Variants in WLS observed in about 807,000 individuals in gnomAD.
WLS encodes the protein Wnt ligand secretion mediator, also known as protein wntless homolog.
WLS carries 23 observed loss-of-function variants against 62.8 expected under a neutral mutation model. The ratio of observed to expected loss-of-function variants is 0.37; its 90% confidence interval spans 0.26 to 0.52. WLS has a LOEUF of 0.52. Ranked by LOEUF, WLS falls within the 20% of genes least tolerant of loss-of-function variation. The probability of loss-of-function intolerance (pLI) is 0.92; values close to 1 mark genes in which losing one functional copy is unlikely to be tolerated. For missense variants in WLS, 615 were observed against 697.3 expected, an observed-to-expected ratio of 0.88 and a Z score of 1.33; for synonymous variants, 246 against 244.1, an observed-to-expected ratio of 1.01 and a Z score of -0.07.
chr1:68,210,268 G>T (rs536873603), intron 1 of WLS, among the ~76,000 whole-genome samples: 6 of 152,206 alleles, frequency 3.9e-5, no homozygotes, highest in Non-Finnish European at 5.9e-5. Context: ...GGGACAGCAA[G>T]TATGGTCAGG....
intron 11 of WLS, among the ~76,000 whole-genome samples, chr1:68,099,254 C>A (rs1051707005): frequency 1.3e-5 from 2 of 151,894 alleles, no homozygotes; most frequent in African/African-American, 2.4e-5. Context: ...TTTTGGTGAA[C>A]TGCAAAGAGA....
At chr1:68,160,633 AC>A (rs1448727685) in intron 2 of WLS, among the ~76,000 whole-genome samples, 9 of 152,350 alleles carry the variant, frequency 5.9e-5, no homozygotes, top group African/African-American at 2.2e-4. Context: ...CTAAATGTCT[AC>A]GTTTACAATA....
At chr1:68,204,345 A>T (rs923412773) in intron 1 of WLS, among the ~76,000 whole-genome samples, 104 of 151,926 alleles carry the variant, frequency 6.8e-4, no homozygotes, top group African/African-American at 2.5e-3. Flanking sequence ...TTTTAGACGG[A>T]GTCTCGCTCT....
chr1:68,122,423 T>C (rs3736935), downstream of WLS, among the ~76,000 whole-genome samples: 43,551 of 152,094 alleles, frequency 0.29, 6,271 homozygotes, highest in East Asian at 0.4. Context: ...GAATCACTTA[T>C]TTCATTACTA....
chr1:68,199,709 C>T (rs2100620895), intron 1 of WLS, among the ~76,000 whole-genome samples: 1 of 152,130 alleles, frequency 6.6e-6, no homozygotes, highest in Middle Eastern at 3.4e-3. Flanking sequence ...CTATAGAGCA[C>T]CATAAAGAAG....
intron 1 of WLS, among the ~76,000 whole-genome samples, chr1:68,229,022 A>G (rs1650292407): frequency 6.7e-6 from 1 of 150,152 alleles, no homozygotes; most frequent in Non-Finnish European, 1.5e-5. Flanking sequence ...CATCAAATCT[A>G]GAAGGCTACA....
At chr1:68,172,137 G>A (rs1428250353) in intron 2 of WLS, among the ~76,000 whole-genome samples, 2 of 151,162 alleles carry the variant, frequency 1.3e-5, no homozygotes, top group Non-Finnish European at 2.9e-5. Flanking sequence ...CACAGGGAGG[G>A]GAACATCACA....
chr1:68,156,776 C>A (rs1330951433), intron 3 of WLS, among the ~76,000 whole-genome samples: 1 of 152,086 alleles, frequency 6.6e-6, no homozygotes, highest in African/African-American at 2.4e-5. Flanking sequence ...TCTCTCCCCT[C>A]CACTCCTTTC....
At chr1:68,174,774 C>T (rs1647208206) in intron 2 of WLS, among the ~76,000 whole-genome samples, 1 of 152,188 alleles carries the variant, frequency 6.6e-6, no homozygotes, top group Non-Finnish European at 1.5e-5. Context: ...CCCCGAATGC[C>T]ATCTCCTCCC....
At chr1:68,132,702 C>T (rs1646544787) in intron 11 of WLS, among the ~76,000 whole-genome samples, 1 of 152,114 alleles carries the variant, frequency 6.6e-6, no homozygotes, top group Non-Finnish European at 1.5e-5. Context: ...TTCCCTCTGC[C>T]ACAGTCATCT....
intron 10 of WLS, among the ~76,000 whole-genome samples, chr1:68,140,409 T>C (rs1646669187): frequency 6.6e-6 from 1 of 152,242 alleles, no homozygotes; most frequent in Admixed American, 6.5e-5. Context: ...TAATGTACAT[T>C]ACAAATACAA....
At chr1:68,205,722 C>T (rs1178018210) in intron 1 of WLS, among the ~76,000 whole-genome samples, 1 of 152,126 alleles carries the variant, frequency 6.6e-6, no homozygotes, top group Non-Finnish European at 1.5e-5. Context: ...TAAACAGTAC[C>T]TACCAGAGAA....
chr1:68,108,044 T>C (rs1459904774), intron 11 of WLS, among the ~76,000 whole-genome samples: 1 of 152,206 alleles, frequency 6.6e-6, no homozygotes, highest in East Asian at 1.9e-4. Context: ...ATAGGTCTTT[T>C]ATTAGTCTTT....
intron 1 of WLS, among the ~76,000 whole-genome samples, chr1:68,218,499 C>G (rs1649823176): frequency 6.6e-6 from 1 of 152,306 alleles, no homozygotes; most frequent in South Asian, 2.1e-4. Flanking sequence ...TCTAAGAACT[C>G]ATTTCTGGAT....
At chr1:68,162,533 C>T in intron 2 of WLS, 4 of 1,607,026 alleles carry the variant, frequency 2.5e-6, no homozygotes, top group South Asian at 2.2e-5. Flanking sequence ...CGATCAAAGC[C>T]GATGAGGCCC....
rs1234958645 is a variant in WLS, at chr1:68,098,965, C to T, written c.1511-212G>A. 15 of 621,180 alleles carry T rather than the reference C, an allele frequency of 2.4e-5. No individual in the cohort carries two copies. The East Asian group carries it at 4.3e-4, about 18-fold the overall frequency. The allele number at this position is 621,180 out of a possible 1,614,324, so 38.5% of individuals were successfully genotyped here. ...CCACTAAATCTCAATAGCACCTCCT[C>T]CCTCAATTATTGTGACAATCAGTTC... On this transcript the variant is annotated intron_variant, in intron 11 of 11. Coordinates refer to the WLS transcript ENST00000354777.
intron 9 of WLS, among the ~76,000 whole-genome samples, chr1:68,145,533 C>A (rs1426488051): frequency 6.6e-6 from 1 of 152,004 alleles, no homozygotes; most frequent in African/African-American, 2.4e-5. Context: ...TTGACTAAAG[C>A]CTCATCCCAA....
At chr1:68,123,105 A>T (rs867341504), downstream of WLS, among the ~76,000 whole-genome samples, 4 of 152,252 alleles carry the variant, frequency 2.6e-5, no homozygotes, top group Middle Eastern at 3.4e-3. Context: ...GGACTAAAAA[A>T]CACAAGTCTC....
chr1:68,176,545 CCTTTT>C (rs554419444), intron 2 of WLS, among the ~76,000 whole-genome samples: 13 of 152,326 alleles, frequency 8.5e-5, no homozygotes, highest in South Asian at 4.1e-4. Context: ...ATGTTCAATT[CCTTTT>C]CTTAAGAAAC....
Sources: allele counts gnomAD v4.1 joint callset (sites outside exome capture counted in the v4.1 genomes callset), GRCh38; gene constraint gnomAD v4.1.1; transcripts MANE v1.5; gene names NCBI Gene and HGNC (gene_info 2026-07-23, HGNC 2026-07-21).